TCF7L2: variants seen among roughly 807,000 people sequenced by gnomAD.
The protein encoded by TCF7L2 is transcription factor 7-like 2.
Under a neutral mutation model 77.9 loss-of-function variants are expected in TCF7L2, and 23 were observed. The observed-to-expected ratio is 0.30, with a 90% CI of 0.21 to 0.42. The LOEUF (loss-of-function observed/expected upper bound fraction) is 0.42, where lower values mean the gene tolerates loss of function less well. Among genes scored for constraint, TCF7L2 ranks in the 10% least tolerant of loss-of-function variants. The probability of loss-of-function intolerance (pLI) is 1.00; values close to 1 mark genes in which losing one functional copy is unlikely to be tolerated. For missense variants in TCF7L2, 654 were observed against 793.1 expected (o/e 0.82, Z 2.11); for synonymous variants, 413 against 340.2 (o/e 1.21, Z -2.36).
chr10:112,955,914 A>G (rs1406951840), intron 3 of TCF7L2, among the ~76,000 whole-genome samples: 1 of 151,700 alleles, frequency 6.6e-6, no homozygotes, highest in African/African-American at 2.4e-5. Flanking sequence ...ATTACAGTAG[A>G]AGTCTTTCCA....
chr10:113,144,149 TTA>T lies in TCF7L2; in HGVS notation c.788+125_788+126del. ...GTGTGTGTGTGTGTATGTGTGTGTGTTAGAAGCCAGGGTTGGGGAGGGGGCTG... is the reference window on the plus strand; with the variant it reads ...GTGTGTGTGTGTGTATGTGTGTGTGTGAAGCCAGGGTTGGGGAGGGGGCTG... On this transcript the variant is annotated intron_variant, in intron 7 of 13. Coordinates refer to ENST00000627217, the MANE Select transcript of TCF7L2 (RefSeq NM_001146274.2). The T allele has an allele frequency of 4.6e-6, 4 of 862,594 alleles. No homozygotes were observed. The African/African-American group carries it at 5.2e-5, about 11-fold the overall frequency. 53.4% of individuals were successfully genotyped at this position (862,594 alleles called of 1,614,324 possible).
chr10:113,089,395 A>G (rs771856354), intron 5 of TCF7L2: 1 of 1,612,384 alleles, frequency 6.2e-7, no homozygotes, highest in Non-Finnish European at 8.5e-7. Context: ...TCTTCCTGGC[A>G]GCAGAGCCCC....
At chr10:113,124,391 C>G (rs2065254946) in intron 5 of TCF7L2, among the ~76,000 whole-genome samples, 1 of 152,080 alleles carries the variant, frequency 6.6e-6, no homozygotes, top group African/African-American at 2.4e-5. Flanking sequence ...ACAGCTTTAC[C>G]TAGACCCCCA....
At chr10:113,070,170 C>G (rs2057775549) in intron 5 of TCF7L2, among the ~76,000 whole-genome samples, 1 of 151,266 alleles carries the variant, frequency 6.6e-6, no homozygotes, top group Non-Finnish European at 1.5e-5. Flanking sequence ...GCAGGAGAAT[C>G]CCTTGAACCA....
In TCF7L2 at chr10:112,985,536, T is replaced by C. The variant is rs2041320773; in HGVS notation, c.450+20912T>C. ...TCCAGAAACAACATGCCTGTCTTTT[T>C]TCATTGTTGAGGAAAAACAGTCTGA... is the stretch of plus-strand genomic sequence containing the variant. On this transcript the variant is annotated intron_variant, in intron 4 of 13. Coordinates refer to ENST00000627217, the MANE Select transcript of TCF7L2 (RefSeq NM_001146274.2). Among the ~76,000 whole-genome samples, 5 of 152,344 alleles carry C rather than the reference T, an allele frequency of 3.3e-5. No homozygotes were observed. The South Asian group carries it at 1.0e-3, about 32-fold the overall frequency.
At chr10:113,078,747 G>A (rs2058997879) in intron 5 of TCF7L2, among the ~76,000 whole-genome samples, 1 of 152,074 alleles carries the variant, frequency 6.6e-6, no homozygotes, top group African/African-American at 2.4e-5. Context: ...CCTCTGATAG[G>A]TGCTATCTCC....
At chr10:112,998,229 G>A (rs905776429) in intron 4 of TCF7L2, among the ~76,000 whole-genome samples, 4 of 151,908 alleles carry the variant, frequency 2.6e-5, no homozygotes, top group African/African-American at 7.3e-5. Flanking sequence ...GTGAGCCACC[G>A]AGTTTAGCCC....
At chr10:113,022,693 A>C (rs575957082) in intron 4 of TCF7L2, among the ~76,000 whole-genome samples, 2 of 152,328 alleles carry the variant, frequency 1.3e-5, no homozygotes, top group East Asian at 3.9e-4. Flanking sequence ...AATAGCTTAT[A>C]ATATAATAGC....
chr10:113,038,894 C>T (rs1393819851), intron 4 of TCF7L2, among the ~76,000 whole-genome samples: 1 of 152,154 alleles, frequency 6.6e-6, no homozygotes, highest in Non-Finnish European at 1.5e-5. Flanking sequence ...GTAAAGTTTT[C>T]TATAGAATTA....
At chr10:113,115,610 C>T (rs1487336191) in intron 5 of TCF7L2, among the ~76,000 whole-genome samples, 1 of 151,992 alleles carries the variant, frequency 6.6e-6, no homozygotes, top group African/African-American at 2.4e-5. Context: ...TTGTGTTTTT[C>T]CCCCCACCAA....
chr10:113,054,520 T>G (rs2055013311), intron 5 of TCF7L2, among the ~76,000 whole-genome samples: 2 of 152,188 alleles, frequency 1.3e-5, no homozygotes, highest in Admixed American at 1.3e-4. Flanking sequence ...GATTGTTCTG[T>G]CTGTTCTCCA....
At chr10:113,156,115 C>CT (rs35516476) in intron 11 of TCF7L2, among the ~76,000 whole-genome samples, 2,789 of 120,698 alleles carry the variant, frequency 0.023, 44 homozygotes, top group Non-Finnish European at 0.032. Flanking sequence ...TTCTTTCTTT[C>CT]TTTTTTTTTT....
At chr10:113,052,272 C>G (rs1313519326) in intron 5 of TCF7L2, among the ~76,000 whole-genome samples, 1 of 152,086 alleles carries the variant, frequency 6.6e-6, no homozygotes, top group Non-Finnish European at 1.5e-5. Context: ...GAGAGAGATT[C>G]TGAGGCTGTA....
intron 4 of TCF7L2, among the ~76,000 whole-genome samples, 192 bp downstream of exon 4, chr10:112,964,816 G>GTGGTGATGGTGGTGGTGGTGATGGTGGT (rs1331506565): frequency 1.4e-5 from 2 of 148,066 alleles, no homozygotes; most frequent in Admixed American, 6.7e-5. Context: ...TGGTGGTGGG[G>GTGGTGATGGTGGTGGTGGTGATGGTGGT]GGGGGTTGAA....
At chr10:112,958,743 G>C (rs902418862) in intron 3 of TCF7L2, among the ~76,000 whole-genome samples, 8 of 152,080 alleles carry the variant, frequency 5.3e-5, no homozygotes, top group African/African-American at 1.9e-4. Flanking sequence ...TGGGTGGGTT[G>C]GTTTGTTTTG....
At position 113,048,726 on chromosome 10, in the gene TCF7L2, A is replaced by G. The variant is rs552901527; in HGVS notation, c.552+8600A>G. Among the ~76,000 whole-genome samples, 4 of 152,254 alleles carry G rather than the reference A, an allele frequency of 2.6e-5. No individual in the cohort carries two copies. The East Asian group carries it at 7.7e-4, about 29-fold the overall frequency. ...ACGTGGTTGCACAAAAGCTCCAGAA[A>G]GTCAGGCTGAGGGCTCCTATCTCTC... On this transcript the variant is annotated intron_variant, in intron 5 of 13. Coordinates refer to ENST00000627217, the MANE Select transcript of TCF7L2 (RefSeq NM_001146274.2).
chr10:113,113,279 C>T (rs147080205), intron 5 of TCF7L2, among the ~76,000 whole-genome samples: 5 of 152,168 alleles, frequency 3.3e-5, no homozygotes, highest in South Asian at 2.1e-4. Flanking sequence ...CACAAACACC[C>T]GTAAGCAGGT....
chr10:113,137,021 C>CT (rs111976110), intron 5 of TCF7L2, among the ~76,000 whole-genome samples: 76 of 144,746 alleles, frequency 5.3e-4, no homozygotes, highest in East Asian at 1.8e-3. Context: ...CTCCACCTGC[C>CT]TTTTTTTTTT....
At chr10:113,041,624 T>C (rs563568109) in intron 5 of TCF7L2, among the ~76,000 whole-genome samples, 2 of 152,324 alleles carry the variant, frequency 1.3e-5, no homozygotes, top group Non-Finnish European at 2.9e-5. Context: ...GGACAGTGCA[T>C]AGGTGTAAAG....
Sources: gnomAD v4.1 joint callset for allele counts (sites outside exome capture counted in the v4.1 genomes callset) on GRCh38, gnomAD v4.1.1 for gene constraint, MANE v1.5 for transcripts, NCBI Gene and HGNC (gene_info 2026-07-23, HGNC 2026-07-21) for gene names.